The following LEPR variants were observed in gnomAD, a reference collection of about 807,000 sequenced individuals.
LEPR encodes OB receptor.
LEPR carries 56 observed loss-of-function variants against 114.7 expected under a neutral mutation model. That is an observed-to-expected ratio of 0.49 (90% CI 0.39 to 0.61). The LOEUF (loss-of-function observed/expected upper bound fraction) is 0.61. Among genes scored for constraint, LEPR ranks in the 20% least tolerant of loss-of-function variants. The pLI is 0.00. For missense variants in LEPR, 1,202 were observed against 1,352.9 expected, an observed-to-expected ratio of 0.89 and a Z score of 1.75; for synonymous variants, 443 against 461.4, an observed-to-expected ratio of 0.96 and a Z score of 0.51.
rs781100745 is a variant in LEPR, at chr1:65,596,578, A to G, written c.834A>G (p.Thr278=). The G allele has an allele frequency of 6.2e-7, 1 of 1,612,228 alleles. No individual in the cohort carries two copies. The highest frequency in any genetic ancestry group is 1.3e-5 in the African/African-American group (1 of 74,832). Reference sequence around the variant, plus strand: ...AAGTGAAATATTCAGAGAATTCTACAACAGTTATCAGAGAAGTAAGTATAT... The same window carrying G: ...AAGTGAAATATTCAGAGAATTCTACGACAGTTATCAGAGAAGTAAGTATAT... ...QYQVKYSENS[T]TVIREADKIV... is the part of the protein sequence containing the mutation. Residue 278 remains threonine, a synonymous_variant, in exon 7 of 20, where the codon ACA becomes ACG. Coordinates refer to ENST00000349533, the MANE Select transcript of LEPR (RefSeq NM_002303.6).
intron 2 of LEPR, among the ~76,000 whole-genome samples, chr1:65,533,836 A>G (rs1650571682): frequency 6.6e-6 from 1 of 152,090 alleles, no homozygotes; most frequent in African/African-American, 2.4e-5. Context: ...TTCTTTTTGC[A>G]TTAAAGCCTA....
At chr1:65,623,049 GAGCATTA>G (rs1657979594) in intron 19 of LEPR, 68 bp downstream of exon 19, 46 of 1,443,426 alleles carry the variant, frequency 3.2e-5, no homozygotes, top group Non-Finnish European at 3.5e-5. Flanking sequence ...ATGACTTATA[GAGCATTA>G]AGCATTTTTA....
chr1:65,518,893 C>CTTTCTTTCTT (rs1557636188), intron 2 of LEPR, among the ~76,000 whole-genome samples: 2 of 83,664 alleles, frequency 2.4e-5, no homozygotes, highest in African/African-American at 8.2e-5. Flanking sequence ...TTCTTTCTTT[C>CTTTCTTTCTT]TTTCTTTCTT....
At chr1:65,438,932 T>C (rs984665118) in intron 2 of LEPR, among the ~76,000 whole-genome samples, 3 of 152,208 alleles carry the variant, frequency 2.0e-5, no homozygotes, top group African/African-American at 7.2e-5. Context: ...TATCAGCAAT[T>C]AAAAGAGTTT....
chr1:65,595,810 A>G (rs1161960172), intron 6 of LEPR, among the ~76,000 whole-genome samples: 1 of 152,134 alleles, frequency 6.6e-6, no homozygotes, highest in Non-Finnish European at 1.5e-5. Context: ...TTTTAACTAT[A>G]TCAGGAATCC....
chr1:65,593,292 G>A (rs1480332416), intron 6 of LEPR, among the ~76,000 whole-genome samples: 1 of 152,064 alleles, frequency 6.6e-6, no homozygotes, highest in African/African-American at 2.4e-5. Flanking sequence ...CCACCTCAGA[G>A]AGCAGGGACA....
At chr1:65,475,862 A>G (rs376457778) in intron 2 of LEPR, among the ~76,000 whole-genome samples, 4 of 151,818 alleles carry the variant, frequency 2.6e-5, no homozygotes, top group African/African-American at 9.7e-5. Flanking sequence ...CAAAAATACA[A>G]ACATTTAGCT....
intron 2 of LEPR, among the ~76,000 whole-genome samples, chr1:65,553,426 T>C (rs776961379): frequency 3.3e-5 from 5 of 152,192 alleles, no homozygotes; most frequent in African/African-American, 4.8e-5. Flanking sequence ...TTGCATTCTT[T>C]TTTTTTAATC....
chr1:65,503,776 G>A (rs1293690968), intron 2 of LEPR, among the ~76,000 whole-genome samples: 7 of 143,462 alleles, frequency 4.9e-5, no homozygotes, highest in South Asian at 2.3e-4. Flanking sequence ...TTATAGATAC[G>A]TATATATACT....
rs1318734474 is a variant in LEPR at position 65,425,290 on chromosome 1, T to G, written c.-96-13T>G. The G allele has an allele frequency of 6.2e-7, 1 of 1,611,836 alleles. No individual in the cohort carries two copies. Among genetic ancestry groups the G allele is most frequent in the Admixed American group, 1.7e-5 (1 of 59,320 alleles). The stretch of plus-strand genomic sequence containing the variant: ...ACTGTGGGAACTTTAACTTTTGGCT[T>G]TATTTTTCACAGCTCTCGTGGCATT... On this transcript the variant is annotated splice_polypyrimidine_tract_variant and intron_variant, in intron 1 of 19. Transcript: ENST00000349533.
chr1:65,571,265 T>A (rs1654128287), intron 4 of LEPR, among the ~76,000 whole-genome samples: 1 of 152,136 alleles, frequency 6.6e-6, no homozygotes, highest in African/African-American at 2.4e-5. Flanking sequence ...ATGATCTGTG[T>A]AACAAACTGC....
chr1:65,440,395 T>C (rs760793082), intron 2 of LEPR, among the ~76,000 whole-genome samples: 8 of 151,570 alleles, frequency 5.3e-5, no homozygotes, highest in Non-Finnish European at 1.0e-4. Context: ...AAAAATAAAC[T>C]TCACAAATAA....
chr1:65,639,079 C>G lies in LEPR; in HGVS notation c.*2064C>G, dbSNP rs1658798344. 6.6e-6 allele frequency: 1 copy of G among 152,176 alleles called. No individual in the cohort carries two copies. Among genetic ancestry groups the G allele is most frequent in the Admixed American group, 6.5e-5 (1 of 15,270 alleles). 9.4% of individuals were successfully genotyped at this position (152,176 alleles called of 1,614,324 possible). A position where few individuals can be genotyped will look rare whatever the true frequency, so the allele number is the denominator to read the frequency against. The stretch of plus-strand genomic sequence containing the variant: ...ATGTCCGCTGAGACACAGTATTCTC[C>G]TGTGATCTGGGACCCAGAATAACAG... On this transcript the variant is annotated 3_prime_UTR_variant, in exon 20 of 20. Transcript: ENST00000349533.
intron 2 of LEPR, among the ~76,000 whole-genome samples, chr1:65,544,876 T>C (rs1180841165): frequency 2.0e-5 from 3 of 151,112 alleles, no homozygotes; most frequent in Non-Finnish European, 4.4e-5. Context: ...TACATATGTA[T>C]ACATGTGCCA....
At chr1:65,578,273 T>A in intron 5 of LEPR, 1 of 225,032 alleles carries the variant, frequency 4.4e-6, no homozygotes, top group East Asian at 1.1e-4. Flanking sequence ...CATTCTTAAG[T>A]GGCTGAGTCA....
At chr1:65,504,086 T>G (rs973217074) in intron 2 of LEPR, among the ~76,000 whole-genome samples, 2 of 152,126 alleles carry the variant, frequency 1.3e-5, no homozygotes, top group Non-Finnish European at 2.9e-5. Context: ...TGGCCTACGC[T>G]GGGACGATTT....
At chr1:65,526,116 A>G (rs1030196749) in intron 2 of LEPR, 1 of 981,292 alleles carries the variant, frequency 1.0e-6, no homozygotes, top group African/African-American at 1.8e-5. Context: ...CCACCGAGAG[A>G]GCATGCCACC....
intron 2 of LEPR, among the ~76,000 whole-genome samples, chr1:65,557,782 G>T (rs979363090): frequency 1.3e-5 from 2 of 152,050 alleles, no homozygotes; most frequent in African/African-American, 4.8e-5. Context: ...ACAGTTTAGG[G>T]TGCATGTTTC....
In LEPR at chr1:65,519,109, C is replaced by CTCTCTCCT. The variant is rs1649494017; in HGVS notation, c.-20-46435_-20-46434insTCTCCTTC. On this transcript the variant is annotated intron_variant, in intron 2 of 19. Transcript: ENST00000349533. Reference sequence around the variant, plus strand: ...TTCCTTCCATCCTCTGTGTCTCTCTCTCCTTCCTTCCTTCCTTCCTTCCTT... The same window carrying CTCTCTCCT: ...TTCCTTCCATCCTCTGTGTCTCTCTCTCTCTCCTTCCTTCCTTCCTTCCTTCCTTCCTT... 2.7e-5 allele frequency among the ~76,000 whole-genome samples: 3 copies of CTCTCTCCT among 109,678 alleles called. No homozygotes were observed. In the South Asian group the frequency reaches 1.1e-3, roughly 40 times the overall value. 72.0% of individuals were successfully genotyped at this position (109,678 alleles called of 152,430 possible).
Sources: allele counts gnomAD v4.1 joint callset (sites outside exome capture counted in the v4.1 genomes callset), GRCh38; gene constraint gnomAD v4.1.1; transcripts MANE v1.5; gene names NCBI Gene and HGNC (gene_info 2026-07-23, HGNC 2026-07-21).